Variants in CCNYL1 observed in about 807,000 individuals in gnomAD.
CCNYL1 encodes the protein cyclin Y like 1.
CCNYL1 carries 16 observed loss-of-function variants against 44.2 expected under a neutral mutation model. The ratio of observed to expected loss-of-function variants is 0.36; its 90% CI spans 0.25 to 0.55. CCNYL1 has a LOEUF of 0.55. CCNYL1 is among the 20% of genes least tolerant of loss of function. The probability of loss-of-function intolerance (pLI) is 0.85; values close to 1 mark genes in which losing one functional copy is unlikely to be tolerated. For synonymous variants in CCNYL1, 159 were observed against 163.2 expected, an observed-to-expected ratio of 0.97 and a Z score of 0.20; for missense variants, 348 against 451.8, an observed-to-expected ratio of 0.77 and a Z score of 2.08.
chr2:207,718,406 G>A (rs1001352863), intron 1 of CCNYL1, among the ~76,000 whole-genome samples: 3 of 151,948 alleles, frequency 2.0e-5, no homozygotes. Context: ...TACTCAAGAA[G>A]CTGAGGCAGG....
intron 1 of CCNYL1, among the ~76,000 whole-genome samples, chr2:207,720,663 C>A (rs1049810572): frequency 4.6e-5 from 7 of 152,106 alleles, no homozygotes; most frequent in Non-Finnish European, 5.9e-5. Flanking sequence ...GATCCTTCTG[C>A]CTCAGCCTCC....
In CCNYL1 at chr2:207,749,781, T is replaced by A. The variant is rs544442250; in HGVS notation, c.807-1176T>A. Among the ~76,000 whole-genome samples the A allele has an allele frequency of 1.1e-4, 17 of 152,334 alleles. 2 individuals are homozygous for A. The South Asian group carries it at 2.7e-3, about 24-fold the overall frequency. On this transcript the variant is annotated intron_variant, in intron 8 of 9. Coordinates refer to ENST00000295414, the MANE Select transcript of CCNYL1 (RefSeq NM_001330218.2). The stretch of plus-strand genomic sequence containing the variant: ...TTTTGGAAGTAGGTTCAGTTGGGTT[T>A]TTAAGCTCAGCAAATGAGAAAACCA...
chr2:207,723,312 G>C (rs2091655204), intron 1 of CCNYL1, among the ~76,000 whole-genome samples: 1 of 152,136 alleles, frequency 6.6e-6, no homozygotes, highest in African/African-American at 2.4e-5. Context: ...CAAATTACTT[G>C]GAAGAGAGAA....
chr2:207,752,234 C>T (rs1260145514), intron 9 of CCNYL1, among the ~76,000 whole-genome samples: 1 of 152,080 alleles, frequency 6.6e-6, no homozygotes, highest in East Asian at 1.9e-4. Context: ...GTATAGGATG[C>T]AGGTGTTTCA....
chr2:207,720,276 T>C (rs2091630658), intron 1 of CCNYL1, among the ~76,000 whole-genome samples: 1 of 151,454 alleles, frequency 6.6e-6, no homozygotes, highest in Non-Finnish European at 1.5e-5. Flanking sequence ...ATAGAATGAC[T>C]CATGGGCTTC....
chr2:207,718,903 G>T (rs996976253), intron 1 of CCNYL1, among the ~76,000 whole-genome samples: 1 of 151,456 alleles, frequency 6.6e-6, no homozygotes, highest in African/African-American at 2.4e-5. Context: ...CTAAATATTG[G>T]AAATAATATG....
At chr2:207,724,742 C>T (rs987104965) in intron 1 of CCNYL1, 58 bp from the exon 2 acceptor site, 5 of 1,248,246 alleles carry the variant, frequency 4.0e-6, no homozygotes, top group Non-Finnish European at 5.9e-6. Context: ...GTATCTATTT[C>T]AGAAATCATC....
At chr2:207,735,394 C>A (rs1000407081) in intron 4 of CCNYL1, among the ~76,000 whole-genome samples, 2 of 152,218 alleles carry the variant, frequency 1.3e-5, no homozygotes, top group African/African-American at 4.8e-5. Context: ...CAAACAAATT[C>A]ATCTCACCTC....
At chr2:207,735,815 G>A (rs141876186) in intron 4 of CCNYL1, among the ~76,000 whole-genome samples, 47 of 152,010 alleles carry the variant, frequency 3.1e-4, no homozygotes, top group Admixed American at 9.2e-4. Flanking sequence ...AGTGAGCCGA[G>A]ATTGTGCCAT....
Position 207,754,663 on chromosome 2 carries a change from C to G in CCNYL1, c.*965C>G, listed in dbSNP as rs1306211223. On this transcript the variant is annotated 3_prime_UTR_variant, in exon 10 of 10. Transcript: ENST00000295414. ...AGAGATGGGGGTCTTACTGCGTTGT[C>G]CAGGCTGGAGTGCAGTGGCTTTTCA... 1 of 153,120 alleles carries G rather than the reference C, an allele frequency of 6.5e-6. No individual in the cohort carries two copies. The highest frequency in any genetic ancestry group is 2.4e-5 in the African/African-American group (1 of 41,430). 9.5% of individuals were successfully genotyped at this position (153,120 alleles called of 1,614,324 possible).
chr2:207,751,576 C>T (rs775680684), intron 9 of CCNYL1, among the ~76,000 whole-genome samples: 114 of 151,804 alleles, frequency 7.5e-4, no homozygotes, highest in African/African-American at 2.6e-3. Context: ...ACACACAGGC[C>T]GGGCGCGGTG....
In CCNYL1 at chr2:207,747,212, A is replaced by G; in HGVS notation, c.805A>G (p.Met269Val). 4 of 1,599,316 alleles carry G rather than the reference A, an allele frequency of 2.5e-6. No homozygotes were observed. Among genetic ancestry groups the G allele is most frequent in the Non-Finnish European group, 3.4e-6 (4 of 1,169,588 alleles). Reference sequence around the variant, plus strand: ...CCTCAAGGACATTACAGTTGAGGACATGTGAGTTTGTAAGGTTTTGGTGAA... The same window carrying G: ...CCTCAAGGACATTACAGTTGAGGACGTGTGAGTTTGTAAGGTTTTGGTGAA... The part of the protein sequence containing the change: ...QILKDITVED[M>V]NEMERHFLEL... The change falls in exon 8 of 10, where the codon ATG (methionine) becomes GTG (valine). Residue 269 changes from methionine to valine, a missense_variant and splice_region_variant. By Grantham distance (21) the Met-to-Val change is conservative. Coordinates refer to ENST00000295414, the MANE Select transcript of CCNYL1 (RefSeq NM_001330218.2).
chr2:207,744,448 C>A (rs2091838798), intron 7 of CCNYL1, among the ~76,000 whole-genome samples: 1 of 151,990 alleles, frequency 6.6e-6, no homozygotes, highest in Non-Finnish European at 1.5e-5. Context: ...CTCACTGCAA[C>A]CTCCACCTCC....
intron 2 of CCNYL1, 126 bp downstream of exon 2, chr2:207,725,000 A>G (rs1559166312): frequency 3.0e-6 from 2 of 677,876 alleles, no homozygotes; most frequent in Non-Finnish European, 4.9e-6. Flanking sequence ...TCATATGTTC[A>G]CTGATTTTAA....
At chr2:207,734,178 A>C in intron 4 of CCNYL1, 131 bp downstream of exon 4, 1 of 558,628 alleles carries the variant, frequency 1.8e-6, no homozygotes, top group Non-Finnish European at 3.3e-6. Flanking sequence ...GGTGTCAACT[A>C]TATATTGATT....
At chr2:207,748,512 T>G (rs558942863) in intron 8 of CCNYL1, among the ~76,000 whole-genome samples, 68 of 152,270 alleles carry the variant, frequency 4.5e-4, no homozygotes, top group African/African-American at 1.6e-3. Flanking sequence ...AGGGAGGCAT[T>G]TCCAGCAAAG....
intron 6 of CCNYL1, among the ~76,000 whole-genome samples, chr2:207,741,845 C>CA (rs556032064): frequency 0.013 from 1,413 of 112,430 alleles, 22 homozygotes; most frequent in South Asian, 0.036. Flanking sequence ...GACTGGGTCT[C>CA]AAAAAAAAAA....
At chr2:207,726,131 G>T (rs943634927) in intron 2 of CCNYL1, among the ~76,000 whole-genome samples, 2 of 152,206 alleles carry the variant, frequency 1.3e-5, no homozygotes, top group African/African-American at 4.8e-5. Flanking sequence ...TCAGTGGTAA[G>T]GAGTGTGTGC....
chr2:207,739,476 C>T (rs1343795124), intron 5 of CCNYL1, among the ~76,000 whole-genome samples: 2 of 152,156 alleles, frequency 1.3e-5, no homozygotes, highest in South Asian at 2.1e-4. Flanking sequence ...GTGATCCACC[C>T]GCCTCAGCCT....
Sources: gnomAD v4.1 joint callset for allele counts (sites outside exome capture counted in the v4.1 genomes callset) on GRCh38, gnomAD v4.1.1 for gene constraint, MANE v1.5 for transcripts, NCBI Gene and HGNC (gene_info 2026-07-23, HGNC 2026-07-21) for gene names.